CCPG1: variants seen among roughly 807,000 people sequenced by gnomAD.
CCPG1 encodes cell cycle progression 1, also known as cell cycle progression protein 1.
CCPG1 carries 46 observed loss-of-function variants against 81.3 expected under a neutral mutation model. The ratio of observed to expected loss-of-function variants is 0.57; its 90% CI spans 0.45 to 0.72. The LOEUF (loss-of-function observed/expected upper bound fraction) is 0.72. Ranked by LOEUF, CCPG1 falls within the 30% of genes least tolerant of loss-of-function variation. The pLI, the probability that CCPG1 is intolerant of heterozygous loss-of-function variation, is 0.00. For missense variants in CCPG1, 902 were observed against 937.6 expected (o/e 0.96, Z 0.50); for synonymous variants, 330 against 305.2 (o/e 1.08, Z -0.85).
intron 3 of CCPG1, 32 bp from the exon 4 acceptor site, chr15:55,378,408 T>G: frequency 7.1e-7 from 1 of 1,414,110 alleles, no homozygotes; most frequent in South Asian, 1.2e-5. Flanking sequence ...TATAATTATT[T>G]CTTAATTTAA....
chr15:55,363,285 G>A (rs955203359), intron 7 of CCPG1, among the ~76,000 whole-genome samples: 11 of 151,492 alleles, frequency 7.3e-5, no homozygotes, highest in African/African-American at 2.7e-4. Context: ...GGAGGCAGAG[G>A]TTCCAGTGAG....
In CCPG1 at chr15:55,389,403, T is replaced by C; in HGVS notation, c.22A>G (p.Ser8Gly). 1 of 1,611,622 alleles carries C rather than the reference T, an allele frequency of 6.2e-7. No homozygotes were observed. Among genetic ancestry groups the C allele is most frequent in the South Asian group, 1.1e-5 (1 of 90,988 alleles). The change falls in exon 2 of 9, where the codon AGT becomes GGT. Residue 8 changes from serine (S) to glycine (G), a missense_variant. Ser to Gly is a moderately conservative substitution (Grantham distance 56). Around this residue, in one of 3 missense-constraint regions of CCPG1, gnomAD observed 28 missense variants for 47.8 expected, o/e 0.59. Transcript: ENST00000442196. ...ACAGTCCAACCACAAGATGAATCAC[T>C]GTCACTGGAATTTTCAGACATCTTT... The part of the protein sequence containing the change: MSENSSD[S>G]DSSCGWTVIS...
rs151336188 is a variant in CCPG1, at chr15:55,398,186, T to G, written c.-9-8753A>C. The G allele has an allele frequency of 2.6e-5, 4 of 152,306 alleles. No individual in the cohort carries two copies. In the East Asian group the frequency reaches 7.7e-4, roughly 29 times the overall value. The allele number at this position is 152,306 out of a possible 1,614,324, so 9.4% of individuals were successfully genotyped here. On this transcript the variant is annotated intron_variant, in intron 1 of 8. Coordinates refer to ENST00000442196, the MANE Select transcript of CCPG1 (RefSeq NM_001204450.2). ...GAACAACACAACAACAGTATCAATTTTACCTCATAAAATATAACTGGAATG... is the reference window on the plus strand; with the variant it reads ...GAACAACACAACAACAGTATCAATTGTACCTCATAAAATATAACTGGAATG...
At chr15:55,372,314 T>C in intron 5 of CCPG1, 1 of 469,818 alleles carries the variant, frequency 2.1e-6, no homozygotes, top group Non-Finnish European at 3.8e-6. Flanking sequence ...TATTTAATCC[T>C]CCTCGCCTTA....
Position 55,359,668 on chromosome 15 carries a change from T to C in CCPG1, c.2105A>G (p.Asn702Ser). 4 of 1,613,510 alleles carry C rather than the reference T, an allele frequency of 2.5e-6. No individual in the cohort carries two copies. Among genetic ancestry groups the C allele is most frequent in the Non-Finnish European group, 3.4e-6 (4 of 1,179,858 alleles). ...HDQKLFTDFVNDVKDYLRNMK... is the reference protein window; with the variant it reads ...HDQKLFTDFVSDVKDYLRNMK... The stretch of plus-strand genomic sequence containing the variant: ...GTTTCTAAGATAATCTTTAACATCA[T>C]TAACAAAGTCAGTGAAGAGCTTCTG... The change falls in exon 8 of 9, where the codon AAT becomes AGT. Residue 702 changes from asparagine to serine, a missense_variant. Physicochemically the swap from Asn to Ser is conservative, Grantham distance 46. This residue lies in a region of CCPG1 where 128 missense variants were observed against 161.2 expected (regional missense o/e 0.79). Coordinates refer to ENST00000442196, the MANE Select transcript of CCPG1 (RefSeq NM_001204450.2).
chr15:55,392,689 G>C (rs1178338763), intron 1 of CCPG1, among the ~76,000 whole-genome samples: 1 of 152,046 alleles, frequency 6.6e-6, no homozygotes, highest in African/African-American at 2.4e-5. Flanking sequence ...CCTAATATTT[G>C]TATTTTTTGT....
intron 3 of CCPG1, among the ~76,000 whole-genome samples, 179 bp downstream of exon 3, chr15:55,385,421 C>A (rs1361005784): frequency 6.6e-6 from 1 of 152,178 alleles, no homozygotes; most frequent in East Asian, 1.9e-4. Flanking sequence ...CCCACCTCAG[C>A]CTCCCAGAAT....
rs1309500720 is a variant in CCPG1, at chr15:55,360,069, G to A, written c.1704C>T (p.Asp568=). 8 of 1,613,648 alleles carry A rather than the reference G, an allele frequency of 5.0e-6. No individual in the cohort carries two copies. Among genetic ancestry groups the A allele is most frequent in the Admixed American group, 3.3e-5 (2 of 59,974 alleles). ...AAEKPRTVFS[D]YLHPQYKAPT... ...GTGCCTTATACTGTGGATGTAAATA[G>A]TCACTAAAAACTGTTCTTGGTTTTT... The change falls in exon 8 of 9, where the codon GAC becomes GAT. Residue 568 remains aspartate, a synonymous_variant. Transcript: ENST00000442196.
At chr15:55,375,858 C>CT (rs2056555056) in intron 5 of CCPG1, among the ~76,000 whole-genome samples, 1 of 152,016 alleles carries the variant, frequency 6.6e-6, no homozygotes, top group Admixed American at 6.6e-5. Flanking sequence ...TCATGCCTGG[C>CT]TTTTTATTAT....
At chr15:55,368,056 G>A (rs895796335) in intron 6 of CCPG1, among the ~76,000 whole-genome samples, 1 of 152,124 alleles carries the variant, frequency 6.6e-6, no homozygotes, top group Non-Finnish European at 1.5e-5. Flanking sequence ...TGACCCTTGA[G>A]CAACATGAGT....
At chr15:55,385,377 G>C (rs1368926097) in intron 3 of CCPG1, among the ~76,000 whole-genome samples, 2 of 152,034 alleles carry the variant, frequency 1.3e-5, no homozygotes, top group African/African-American at 4.8e-5. Flanking sequence ...ATGTTGGCCA[G>C]ACTGCTCTTG....
intron 6 of CCPG1, among the ~76,000 whole-genome samples, chr15:55,366,283 CG>C (rs1410596601): frequency 6.6e-6 from 1 of 151,106 alleles, no homozygotes; most frequent in Non-Finnish European, 1.5e-5. Flanking sequence ...TTTCACAGGT[CG>C]TAAGTCAATA....
intron 3 of CCPG1, among the ~76,000 whole-genome samples, chr15:55,381,785 G>C (rs2056702152): frequency 6.8e-6 from 1 of 146,690 alleles, no homozygotes; most frequent in Admixed American, 6.8e-5. Flanking sequence ...TAAATAATGT[G>C]TGCATCAAAT....
chr15:55,364,812 G>C, intron 7 of CCPG1, among the ~76,000 whole-genome samples: 1 of 138,156 alleles, frequency 7.2e-6, no homozygotes, highest in East Asian at 2.6e-4. Context: ...GGTGGAAGTT[G>C]CAGCAACCTG....
intron 3 of CCPG1, among the ~76,000 whole-genome samples, chr15:55,381,352 G>A (rs909239269): frequency 2.0e-5 from 3 of 151,326 alleles, no homozygotes; most frequent in African/African-American, 7.3e-5. Flanking sequence ...GCTGAGACTT[G>A]AACCGGGGAG....
intron 8 of CCPG1, chr15:55,358,369 A>C: frequency 1.0e-6 from 1 of 985,318 alleles, no homozygotes; most frequent in East Asian, 1.1e-4. Flanking sequence ...GGACTACTGT[A>C]ATCTAAAATA....
At chr15:55,397,968 C>T (rs1174829640) in intron 1 of CCPG1, among the ~76,000 whole-genome samples, 1 of 110,472 alleles carries the variant, frequency 9.1e-6, no homozygotes, top group African/African-American at 3.5e-5. Context: ...CAGAACAAGA[C>T]TCCATCTCAA....
chr15:55,405,116 T>G (rs1221016325), intron 1 of CCPG1, among the ~76,000 whole-genome samples: 1 of 151,904 alleles, frequency 6.6e-6, no homozygotes, highest in African/African-American at 2.4e-5. Flanking sequence ...ATCCCAGCAC[T>G]TTAGAAGGCT....
intron 1 of CCPG1, among the ~76,000 whole-genome samples, chr15:55,406,616 G>A (rs368010548): frequency 4.0e-5 from 6 of 151,512 alleles, no homozygotes; most frequent in African/African-American, 1.5e-4. Context: ...TGTATTTTTA[G>A]TAGAGACGGG....
Sources: gnomAD v4.1 joint callset for allele counts (sites outside exome capture counted in the v4.1 genomes callset) on GRCh38, gnomAD v4.1.1 for gene constraint, gnomAD v4.1.1 regional missense constraint, MANE v1.5 for transcripts, NCBI Gene and HGNC (gene_info 2026-07-23, HGNC 2026-07-21) for gene names.